ZNF484: variants seen among roughly 807,000 people sequenced by gnomAD.
ZNF484 encodes zinc finger protein 484.
A neutral mutation model predicts 12.9 loss-of-function variants in ZNF484; 11 were observed. The observed-to-expected ratio is 0.85, with a 90% CI of 0.54 to 1.41. The LOEUF is 1.41. Ranked by LOEUF, ZNF484 falls within the 40% of genes most tolerant of loss-of-function variation. The pLI is 0.00. For synonymous variants in ZNF484, 289 were observed against 334.1 expected, an observed-to-expected ratio of 0.86 and a Z score of 1.47; for missense variants, 807 against 1,007.7, an observed-to-expected ratio of 0.80 and a Z score of 2.70.
At chr9:92,851,161 A>G (rs1856050852) in intron 4 of ZNF484, among the ~76,000 whole-genome samples, 1 of 152,070 alleles carries the variant, frequency 6.6e-6, no homozygotes, top group South Asian at 2.1e-4. Flanking sequence ...ATGTCTTAAG[A>G]AAGTGGGTTT....
intron 4 of ZNF484, among the ~76,000 whole-genome samples, chr9:92,854,618 G>A (rs923842885): frequency 6.6e-6 from 1 of 152,196 alleles, no homozygotes; most frequent in African/African-American, 2.4e-5. Context: ...CGGGGAGGCT[G>A]AGGCAGGAGA....
At position 92,848,097 on chromosome 9, in the gene ZNF484, T is replaced by A. The variant is rs1422798855; in HGVS notation, c.690A>T (p.Lys230Asn). The change falls in exon 5 of 5, where the codon AAA (lysine) becomes AAT (asparagine). Residue 230 changes from lysine (K) to asparagine (N), a missense_variant. Coordinates refer to ENST00000375495, the MANE Select transcript of ZNF484 (RefSeq NM_031486.4). This position sits in a 1 kb window ranked among gnomAD's most constrained non-coding sequence, Gnocchi z 4.1. The part of the protein sequence containing the change: ...VTACECNQCG[K>N]PLHHKQALIQ... ...TGAGAGCTTGCTTATGATGCAGAGG[T>A]TTCCCACATTGGTTACATTCACAAG... 1.2e-6 allele frequency: 2 copies of A among 1,614,008 alleles called. No individual in the cohort carries two copies. Among genetic ancestry groups the A allele is most frequent in the Non-Finnish European group, 1.7e-6 (2 of 1,180,040 alleles).
Position 92,848,095 on chromosome 9 carries a change from G to A in ZNF484, c.692C>T (p.Pro231Leu). Residue 231 changes from proline (P) to leucine (L), a missense_variant, in exon 5 of 5, where the codon CCT becomes CTT. Coordinates refer to ENST00000375495, the MANE Select transcript of ZNF484 (RefSeq NM_031486.4). The surrounding 1 kb of genome is among the most constrained non-coding windows in gnomAD (Gnocchi z 4.1). ...TACECNQCGKPLHHKQALIQQ... is the reference protein window; with the variant it reads ...TACECNQCGKLLHHKQALIQQ... ...AATGAGAGCTTGCTTATGATGCAGA[G>A]GTTTCCCACATTGGTTACATTCACA... is the stretch of plus-strand genomic sequence containing the variant. 1 of 1,614,168 alleles carries A rather than the reference G, an allele frequency of 6.2e-7. No homozygotes were observed. The highest frequency in any genetic ancestry group is 8.5e-7 in the Non-Finnish European group (1 of 1,180,030).
At chr9:92,868,288 CTA>C (rs1326846301) in intron 2 of ZNF484, among the ~76,000 whole-genome samples, 2 of 151,874 alleles carry the variant, frequency 1.3e-5, no homozygotes, top group East Asian at 3.9e-4. Flanking sequence ...TAGAGAGTAA[CTA>C]TGAGCAGGTC....
Position 92,846,165 on chromosome 9 carries a change from A to G in ZNF484, c.*63T>C. ...ACTATACATTGCTTAAACACTCTCA[A>G]AAGTGTCTCCCCATATGTGTAACTA... On this transcript the variant is annotated 3_prime_UTR_variant, in exon 5 of 5. Coordinates refer to ENST00000375495, the MANE Select transcript of ZNF484 (RefSeq NM_031486.4). The G allele has an allele frequency of 2.0e-6, 3 of 1,528,264 alleles. No homozygotes were observed. The South Asian group carries it at 3.9e-5, about 20-fold the overall frequency. The allele number at this position is 1,528,264 out of a possible 1,614,324, so 94.7% of individuals were successfully genotyped here.
intron 2 of ZNF484, among the ~76,000 whole-genome samples, chr9:92,861,871 A>G (rs555248150): frequency 6.6e-6 from 1 of 152,340 alleles, no homozygotes; most frequent in South Asian, 2.1e-4. Flanking sequence ...CCTCAAATAA[A>G]TCCATGTCTA....
chr9:92,856,358 A>C, intron 2 of ZNF484, 40 bp from the exon 3 acceptor site: 1 of 1,480,452 alleles, frequency 6.8e-7, no homozygotes, highest in Non-Finnish European at 9.0e-7. Flanking sequence ...TAATTTTTTA[A>C]AGAATATATT....
intron 2 of ZNF484, among the ~76,000 whole-genome samples, chr9:92,871,213 A>G (rs887935480): frequency 6.6e-6 from 1 of 152,212 alleles, no homozygotes; most frequent in Admixed American, 6.5e-5. Flanking sequence ...GAAACAAAAA[A>G]ACTTCAACAA....
intron 2 of ZNF484, among the ~76,000 whole-genome samples, chr9:92,866,526 C>A (rs770662265): frequency 6.9e-6 from 1 of 145,754 alleles, no homozygotes; most frequent in Non-Finnish European, 1.5e-5. Flanking sequence ...AATAGGAACA[C>A]CTTTACACTG....
At chr9:92,855,774 G>T (rs754817725) in intron 4 of ZNF484, 37 bp downstream of exon 4, 1 of 1,592,822 alleles carries the variant, frequency 6.3e-7, no homozygotes, top group East Asian at 2.2e-5. Context: ...ATGCAGCTGA[G>T]TCATACTGTC....
At chr9:92,857,260 A>G (rs1422363584) in intron 2 of ZNF484, among the ~76,000 whole-genome samples, 1 of 152,210 alleles carries the variant, frequency 6.6e-6, no homozygotes. Context: ...TAAAGATTGA[A>G]GCTGACTTAT....
rs1855581257 is a variant in ZNF484, at chr9:92,846,291, G to A, written c.2496C>T (p.Cys832=). ...PQKSDNGEVE[C]SMPQLWCGDS... ...CCCCACACCATAATTGTGGCATGGAGCACTCTACTTCCCCATTGTCAGATT... is the reference window on the plus strand; with the variant it reads ...CCCCACACCATAATTGTGGCATGGAACACTCTACTTCCCCATTGTCAGATT... The change falls in exon 5 of 5, where the codon TGC becomes TGT. Residue 832 remains cysteine (C), a synonymous_variant. Transcript: ENST00000375495. 2 of 1,613,992 alleles carry A rather than the reference G, an allele frequency of 1.2e-6. No homozygotes were observed. Among genetic ancestry groups the A allele is most frequent in the African/African-American group, 1.3e-5 (1 of 74,906 alleles).
chr9:92,870,053 G>C (rs1014370145), intron 2 of ZNF484, among the ~76,000 whole-genome samples: 1 of 152,202 alleles, frequency 6.6e-6, no homozygotes, highest in Non-Finnish European at 1.5e-5. Flanking sequence ...AGATACAGTA[G>C]ATGCACTTGT....
chr9:92,855,848 A>G lies in ZNF484; in HGVS notation c.198T>C (p.Cys66=), dbSNP rs1587740144. The change falls in exon 4 of 5, where the codon TGT becomes TGC. Residue 66 remains cysteine (C), a synonymous_variant. Coordinates refer to ENST00000375495, the MANE Select transcript of ZNF484 (RefSeq NM_031486.4). ...VIFSLEQEEP[C]MLDGEIPSQS... ...GACTGGGGATCTCACCATCCAACAT[A>G]CATGGCTCTTCTTGTTCCAAGCTGA... 3 of 1,614,166 alleles carry G rather than the reference A, an allele frequency of 1.9e-6. No individual in the cohort carries two copies. Among genetic ancestry groups the G allele is most frequent in the Non-Finnish European group, 2.5e-6 (3 of 1,180,020 alleles).
chr9:92,874,381 G>A (rs937463250), intron 2 of ZNF484, among the ~76,000 whole-genome samples: 5 of 149,336 alleles, frequency 3.3e-5, no homozygotes, highest in African/African-American at 9.9e-5. Context: ...GCGCAATCTC[G>A]GCTTACTGCA....
At chr9:92,852,278 TTTTTG>T (rs1295239163) in intron 4 of ZNF484, among the ~76,000 whole-genome samples, 7 of 152,098 alleles carry the variant, frequency 4.6e-5, no homozygotes, top group African/African-American at 1.7e-4. Context: ...ATTATTTGGT[TTTTTG>T]TTTGTTTTTG....
chr9:92,856,405 C>A, intron 2 of ZNF484, 87 bp from the exon 3 acceptor site: 1 of 1,124,040 alleles, frequency 8.9e-7, no homozygotes, highest in Non-Finnish European at 1.2e-6. Context: ...TGTGAAGGAT[C>A]GAGATTACAG....
chr9:92,877,633 A>C (rs1355742657), intron 1 of ZNF484, among the ~76,000 whole-genome samples: 1 of 151,418 alleles, frequency 6.6e-6, no homozygotes, highest in Non-Finnish European at 1.5e-5. Context: ...CTCCCCCACA[A>C]CCCCACAGTC....
At chr9:92,874,021 T>C (rs2118268450) in intron 2 of ZNF484, among the ~76,000 whole-genome samples, 1 of 152,332 alleles carries the variant, frequency 6.6e-6, no homozygotes, top group Non-Finnish European at 1.5e-5. Flanking sequence ...TAATCTACCA[T>C]ACCAACAGAC....
Sources: allele counts gnomAD v4.1 joint callset (sites outside exome capture counted in the v4.1 genomes callset), GRCh38; gene constraint gnomAD v4.1.1; non-coding constraint Gnocchi (gnomAD v3.1); transcripts MANE v1.5; gene names NCBI Gene and HGNC (gene_info 2026-07-23, HGNC 2026-07-21).